Variants in SLC24A2 observed in about 807,000 individuals in gnomAD.
SLC24A2 encodes the protein solute carrier family 24 member 2.
Under a neutral mutation model 62.0 loss-of-function variants are expected in SLC24A2, and 36 were observed. The observed-to-expected ratio is 0.58, with a 90% CI of 0.44 to 0.77. The LOEUF (loss-of-function observed/expected upper bound fraction) is 0.77, where lower values mean the gene tolerates loss of function less well. Among genes scored for constraint, SLC24A2 ranks in the 30% least tolerant of loss-of-function variants. The probability of loss-of-function intolerance (pLI) is 0.00; values close to 1 mark genes in which losing one functional copy is unlikely to be tolerated. For missense variants in SLC24A2, 846 were observed against 817.9 expected (o/e 1.03, Z -0.42); for synonymous variants, 358 against 294.0 (o/e 1.22, Z -2.23).
the SLC24A2 span, among the ~76,000 whole-genome samples, chr9:19,954,843 C>G: frequency 1.4e-4 from 22 of 152,244 alleles, no homozygotes; most frequent in Non-Finnish European, 3.1e-4. Flanking sequence ...AGAAGAGAAT[C>G]TGGAACCAGT....
chr9:19,660,408 A>G (rs766576), intron 2 of SLC24A2, among the ~76,000 whole-genome samples: 68,855 of 152,026 alleles, frequency 0.45, 16,476 homozygotes, highest in East Asian at 0.77. Flanking sequence ...CAGGGCACCA[A>G]TGAAAACAGA....
At chr9:20,162,798 C>T in the SLC24A2 span, among the ~76,000 whole-genome samples, 4 of 152,218 alleles carry the variant, frequency 2.6e-5, no homozygotes, top group South Asian at 8.3e-4. Context: ...AAGTGGGCTT[C>T]ATCCCTGGGA....
At chr9:20,304,839 G>A in the SLC24A2 span, among the ~76,000 whole-genome samples, 8 of 151,980 alleles carry the variant, frequency 5.3e-5, no homozygotes, top group African/African-American at 1.9e-4. Flanking sequence ...AGCAGAGCAA[G>A]GACATAGTCC....
chr9:19,689,570 G>T (rs993337368), intron 2 of SLC24A2, among the ~76,000 whole-genome samples: 4 of 152,078 alleles, frequency 2.6e-5, no homozygotes, highest in Non-Finnish European at 5.9e-5. Flanking sequence ...AATGCCACAG[G>T]CCCATTGACA....
the SLC24A2 span, among the ~76,000 whole-genome samples, chr9:19,892,118 T>C: frequency 2.6e-5 from 4 of 152,210 alleles, no homozygotes; most frequent in African/African-American, 9.6e-5. Context: ...TAACTAGTTG[T>C]ACTTCAGGGT....
At chr9:20,255,267 C>T in the SLC24A2 span, among the ~76,000 whole-genome samples, 1 of 152,294 alleles carries the variant, frequency 6.6e-6, no homozygotes, top group Non-Finnish European at 1.5e-5. Context: ...GCCTAGAGTA[C>T]TGCTAATAAG....
chr9:19,789,674 C>T (rs2118960447), upstream of SLC24A2, among the ~76,000 whole-genome samples: 1 of 152,270 alleles, frequency 6.6e-6, no homozygotes. Context: ...AGCAAGATCC[C>T]CTTGACCACA....
chr9:19,591,406 C>A lies in SLC24A2; in HGVS notation c.1129+5823G>T, dbSNP rs530045574. Among the ~76,000 whole-genome samples, 5 of 152,296 alleles carry A rather than the reference C, an allele frequency of 3.3e-5. No homozygotes were observed. The East Asian group carries it at 9.7e-4, about 29-fold the overall frequency. On this transcript the variant is annotated intron_variant, in intron 5 of 10. Coordinates refer to ENST00000341998, the MANE Select transcript of SLC24A2 (RefSeq NM_020344.4). ...GCAAGTTGCCTATCCAATATCTATT[C>A]CATTTTCATTTCCTAATGACATAAT...
intron 2 of SLC24A2, among the ~76,000 whole-genome samples, chr9:19,710,179 T>C (rs1265665151): frequency 6.6e-6 from 1 of 152,094 alleles, no homozygotes; most frequent in Non-Finnish European, 1.5e-5. Flanking sequence ...TCTGAAAAAA[T>C]TTTTTTGACT....
the SLC24A2 span, among the ~76,000 whole-genome samples, chr9:19,962,795 T>C: frequency 1.2e-4 from 19 of 152,154 alleles, no homozygotes; most frequent in African/African-American, 3.9e-4. Context: ...ACAATCATGT[T>C]GTCTGCAAAC....
the SLC24A2 span, among the ~76,000 whole-genome samples, chr9:19,816,502 T>C: frequency 6.6e-6 from 1 of 152,078 alleles, no homozygotes; most frequent in Admixed American, 6.6e-5. Context: ...TAATTTTTGG[T>C]GGTAGCTACC....
the SLC24A2 span, among the ~76,000 whole-genome samples, chr9:20,154,071 A>G: frequency 2.6e-5 from 4 of 151,816 alleles, no homozygotes; most frequent in African/African-American, 9.7e-5. Context: ...AACTTAGTCT[A>G]GTGTATATGG....
chr9:19,831,305 A>G, the SLC24A2 span, among the ~76,000 whole-genome samples: 1 of 152,178 alleles, frequency 6.6e-6, no homozygotes, highest in Non-Finnish European at 1.5e-5. Context: ...GTGCCCATTC[A>G]AGACCTTCTT....
chr9:20,148,594 G>A, the SLC24A2 span, among the ~76,000 whole-genome samples: 1 of 152,096 alleles, frequency 6.6e-6, no homozygotes, highest in Non-Finnish European at 1.5e-5. Flanking sequence ...CTATATACAT[G>A]GGGATTAGCG....
chr9:20,165,795 C>G, the SLC24A2 span, among the ~76,000 whole-genome samples: 3 of 151,774 alleles, frequency 2.0e-5, no homozygotes, highest in Non-Finnish European at 4.4e-5. Flanking sequence ...TAAATTTGAT[C>G]ACATAAAAGT....
the SLC24A2 span, chr9:19,958,119 G>A: frequency 4.6e-5 from 7 of 152,322 alleles, no homozygotes; most frequent in East Asian, 1.4e-3. Flanking sequence ...TCATGGCTAG[G>A]GAAGAGGAAT....
the SLC24A2 span, among the ~76,000 whole-genome samples, chr9:19,942,847 C>G: frequency 6.6e-6 from 1 of 152,110 alleles, no homozygotes; most frequent in Non-Finnish European, 1.5e-5. Context: ...ATTGTGTAGC[C>G]TACAGGCGCC....
the SLC24A2 span, among the ~76,000 whole-genome samples, chr9:19,809,600 C>T: frequency 1.3e-5 from 2 of 152,032 alleles, no homozygotes; most frequent in African/African-American, 2.4e-5. Flanking sequence ...TTCAAGATGG[C>T]GGCTCTGTCT....
intron 2 of SLC24A2, among the ~76,000 whole-genome samples, chr9:19,730,643 A>G (rs1339314934): frequency 6.6e-6 from 1 of 152,128 alleles, no homozygotes; most frequent in East Asian, 1.9e-4. Context: ...TTTAAGAGTC[A>G]TTGTTTTATT....
Sources: allele counts gnomAD v4.1 joint callset (sites outside exome capture counted in the v4.1 genomes callset), GRCh38; gene constraint gnomAD v4.1.1; transcripts MANE v1.5; gene names NCBI Gene and HGNC (gene_info 2026-07-23, HGNC 2026-07-21).